CCDC73: variants seen among roughly 807,000 people sequenced by gnomAD.
CCDC73 encodes coiled-coil domain-containing protein 73.
Under a neutral mutation model 116.5 loss-of-function variants are expected in CCDC73, and 95 were observed. The ratio of observed to expected loss-of-function variants is 0.82; its 90% confidence interval spans 0.69 to 0.97. CCDC73 has a LOEUF of 0.97. Among genes scored for constraint, CCDC73 ranks in the 50% least tolerant of loss-of-function variants. CCDC73 has a pLI of 0.00. For missense variants in CCDC73, 1,066 were observed against 1,206.8 expected, an observed-to-expected ratio of 0.88 and a Z score of 1.73; for synonymous variants, 398 against 401.3, an observed-to-expected ratio of 0.99 and a Z score of 0.10.
At chr11:32,655,282 A>G (rs1159759659) in intron 9 of CCDC73, among the ~76,000 whole-genome samples, 1 of 152,248 alleles carries the variant, frequency 6.6e-6, no homozygotes, top group Non-Finnish European at 1.5e-5. Context: ...TTCTGAGATA[A>G]AAAGATAACA....
intron 7 of CCDC73, 61 bp downstream of exon 7, chr11:32,683,475 A>C (rs756072944): frequency 1.9e-6 from 2 of 1,080,026 alleles, no homozygotes; most frequent in Non-Finnish European, 2.9e-6. Flanking sequence ...TATTCCCAAA[A>C]ACACCAATCC....
At chr11:32,663,157 T>A (rs1292677381) in intron 9 of CCDC73, among the ~76,000 whole-genome samples, 7 of 152,198 alleles carry the variant, frequency 4.6e-5, no homozygotes, top group African/African-American at 1.2e-4. Flanking sequence ...CTTAGGATTG[T>A]CTTGGCAATG....
chr11:32,688,022 A>G (rs1406638414), intron 6 of CCDC73, among the ~76,000 whole-genome samples: 1 of 152,196 alleles, frequency 6.6e-6, no homozygotes, highest in Non-Finnish European at 1.5e-5. Flanking sequence ...CATTGTACAA[A>G]ACAGGAAACT....
In CCDC73 at chr11:32,695,368, C is replaced by CA. The variant is rs34683408; in HGVS notation, c.390+3882dup. Among the ~76,000 whole-genome samples the CA allele has an allele frequency of 5.3e-3, 645 of 122,604 alleles. 6 individuals are homozygous for CA. Among genetic ancestry groups the CA allele is most frequent in the East Asian group, 0.012 (49 of 3,964 alleles). The allele number at this position is 122,604 out of a possible 152,430, so 80.4% of individuals were successfully genotyped here. On this transcript the variant is annotated intron_variant, in intron 6 of 17. Coordinates refer to ENST00000335185, the MANE Select transcript of CCDC73 (RefSeq NM_001008391.4). ...TGGGCAACACAGTGAGACTCCATCT[C>CA]AAAAAAAAAAAAAAAGAGCTTGCCT...
intron 2 of CCDC73, among the ~76,000 whole-genome samples, chr11:32,752,374 A>G (rs1397801809): frequency 6.6e-6 from 1 of 152,242 alleles, no homozygotes; most frequent in Non-Finnish European, 1.5e-5. Flanking sequence ...CACTGTAGCA[A>G]AATATTTGCC....
intron 3 of CCDC73, among the ~76,000 whole-genome samples, chr11:32,705,356 G>C (rs1226424900): frequency 6.6e-6 from 1 of 152,096 alleles, no homozygotes; most frequent in Non-Finnish European, 1.5e-5. Flanking sequence ...GTGGTTCCTA[G>C]CATCTCCAAG....
chr11:32,743,300 T>C (rs1199996333), intron 2 of CCDC73, among the ~76,000 whole-genome samples: 6 of 152,258 alleles, frequency 3.9e-5, no homozygotes, highest in African/African-American at 9.6e-5. Context: ...TGTAAAAGAA[T>C]AGAAATCACA....
At chr11:32,781,808 C>T (rs1850586835) in intron 1 of CCDC73, among the ~76,000 whole-genome samples, 1 of 152,208 alleles carries the variant, frequency 6.6e-6, no homozygotes, top group Non-Finnish European at 1.5e-5. Flanking sequence ...CTTGAGGCAG[C>T]AGATTGGAAG....
chr11:32,824,871 C>A, the CCDC73 span, among the ~76,000 whole-genome samples: 1 of 152,162 alleles, frequency 6.6e-6, no homozygotes, highest in Non-Finnish European at 1.5e-5. Context: ...ATCCCTTGAA[C>A]CCAGGAATTC....
intron 1 of CCDC73, among the ~76,000 whole-genome samples, chr11:32,781,845 TC>T (rs1475482326): frequency 6.6e-6 from 1 of 152,076 alleles, no homozygotes; most frequent in Non-Finnish European, 1.5e-5. Context: ...AAGGCAGAAG[TC>T]CCCATCCCCC....
chr11:32,623,937 C>T (rs761501825), intron 14 of CCDC73, among the ~76,000 whole-genome samples: 1 of 151,938 alleles, frequency 6.6e-6, no homozygotes, highest in Non-Finnish European at 1.5e-5. Context: ...GTACAGCTGA[C>T]AAAGTATTAA....
chr11:32,640,132 T>G (rs1478908339), intron 13 of CCDC73, among the ~76,000 whole-genome samples: 2 of 152,202 alleles, frequency 1.3e-5, no homozygotes, highest in Non-Finnish European at 2.9e-5. Flanking sequence ...AAAGTAAATG[T>G]GATCTCCCAC....
chr11:32,697,481 CTTTTTTTTTTTTT>C (rs771837421), intron 6 of CCDC73, among the ~76,000 whole-genome samples: 3 of 108,802 alleles, frequency 2.8e-5, no homozygotes, highest in South Asian at 6.1e-4. Context: ...TCTCTTTATT[CTTTTTTTTTTTTT>C]TTTTTTTGAG....
intron 9 of CCDC73, among the ~76,000 whole-genome samples, chr11:32,675,120 T>G (rs910935512): frequency 1.7e-4 from 26 of 152,194 alleles, no homozygotes; most frequent in African/African-American, 6.0e-4. Context: ...TTTATAATAG[T>G]TTTACATTAT....
intron 14 of CCDC73, among the ~76,000 whole-genome samples, chr11:32,635,241 G>A (rs919072453): frequency 3.3e-5 from 5 of 152,074 alleles, no homozygotes; most frequent in Non-Finnish European, 5.9e-5. Flanking sequence ...AGAAAATATA[G>A]GACTTAGAAT....
At chr11:32,760,538 T>G (rs1055766930) in intron 1 of CCDC73, among the ~76,000 whole-genome samples, 27 of 152,244 alleles carry the variant, frequency 1.8e-4, no homozygotes, top group Admixed American at 9.2e-4. Context: ...GCTGGGTTCA[T>G]GATGTTGCAG....
chr11:32,684,653 T>C (rs1159212919), intron 6 of CCDC73, among the ~76,000 whole-genome samples: 2 of 152,162 alleles, frequency 1.3e-5, no homozygotes, highest in Non-Finnish European at 2.9e-5. Context: ...TTAGGATAAG[T>C]TCCAAGAAGC....
At chr11:32,766,182 T>A (rs555929819) in intron 1 of CCDC73, among the ~76,000 whole-genome samples, 26 of 152,222 alleles carry the variant, frequency 1.7e-4, no homozygotes, top group South Asian at 2.1e-4. Flanking sequence ...TAATCCAGCA[T>A]ATAAACAAAA....
intron 1 of CCDC73, among the ~76,000 whole-genome samples, chr11:32,765,816 G>T (rs143040415): frequency 5.9e-5 from 9 of 152,198 alleles, no homozygotes; most frequent in African/African-American, 2.2e-4. Flanking sequence ...CAATAATTAA[G>T]AGCCTACCAA....
Sources: allele counts gnomAD v4.1 joint callset (sites outside exome capture counted in the v4.1 genomes callset), GRCh38; gene constraint gnomAD v4.1.1; transcripts MANE v1.5; gene names NCBI Gene and HGNC (gene_info 2026-07-23, HGNC 2026-07-21).